LRMDA: variants seen among roughly 807,000 people sequenced by gnomAD.
LRMDA encodes the protein leucine rich melanocyte differentiation associated, also known as leucine-rich melanocyte differentiation-associated protein.
Under a neutral mutation model 29.8 loss-of-function variants are expected in LRMDA, and 18 were observed. The observed-to-expected ratio is 0.60, with a 90% CI of 0.42 to 0.90. LRMDA has a LOEUF of 0.90. LRMDA is among the 40% of genes least tolerant of loss of function. The pLI is 0.00. For missense variants in LRMDA, 273 were observed against 273.9 expected, an observed-to-expected ratio of 1.00 and a Z score of 0.02; for synonymous variants, 125 against 109.4, an observed-to-expected ratio of 1.14 and a Z score of -0.89.
At chr10:75,535,767 A>G (rs1839937536) in intron 2 of LRMDA, among the ~76,000 whole-genome samples, 1 of 152,186 alleles carries the variant, frequency 6.6e-6, no homozygotes, top group Non-Finnish European at 1.5e-5. Context: ...ACTCATCTTT[A>G]CAACTGGAAC....
chr10:76,227,944 C>T (rs1001299538), intron 5 of LRMDA, among the ~76,000 whole-genome samples: 3 of 151,916 alleles, frequency 2.0e-5, no homozygotes, highest in Non-Finnish European at 2.9e-5. Flanking sequence ...TTTGACTCAG[C>T]ATTCCAGGCT....
intron 5 of LRMDA, among the ~76,000 whole-genome samples, chr10:76,180,282 T>C (rs1041874976): frequency 7.3e-6 from 1 of 137,180 alleles, no homozygotes; most frequent in African/African-American, 2.7e-5. Context: ...AAAAACTTTT[T>C]TTTTTTTTTT....
At position 76,128,819 on chromosome 10, in the gene LRMDA, A is replaced by T. The variant is rs896634248; in HGVS notation, c.516+70036A>T. Among the ~76,000 whole-genome samples the T allele has an allele frequency of 5.3e-5, 8 of 152,286 alleles. 1 individual carries two copies. The highest frequency in any genetic ancestry group is 5.2e-4 in the Admixed American group (8 of 15,298). On this transcript the variant is annotated intron_variant, in intron 5 of 6. Transcript: ENST00000611255. ...AGCTCATCAGGGAGGCAATCATTAAAGACGTGAAAGCGTTGAGCAGGATGT... is the reference window on the plus strand; with the variant it reads ...AGCTCATCAGGGAGGCAATCATTAATGACGTGAAAGCGTTGAGCAGGATGT...
At chr10:76,052,333 T>C (rs1438976061) in intron 4 of LRMDA, among the ~76,000 whole-genome samples, 1 of 152,204 alleles carries the variant, frequency 6.6e-6, no homozygotes, top group Non-Finnish European at 1.5e-5. Context: ...GAATAGAGTG[T>C]CAGAGAAAAA....
At chr10:75,812,291 T>C (rs1032198518) in intron 2 of LRMDA, among the ~76,000 whole-genome samples, 2 of 152,056 alleles carry the variant, frequency 1.3e-5, no homozygotes, top group African/African-American at 4.8e-5. Flanking sequence ...GCTGCAGTTA[T>C]AAACTCTTCG....
intron 2 of LRMDA, among the ~76,000 whole-genome samples, chr10:75,573,313 C>T (rs1840460369): frequency 6.6e-6 from 1 of 151,984 alleles, no homozygotes; most frequent in African/African-American, 2.4e-5. Context: ...TCTAAGAATT[C>T]ATGTATTTAT....
intron 2 of LRMDA, among the ~76,000 whole-genome samples, chr10:75,793,091 A>G (rs1843596132): frequency 6.6e-6 from 1 of 152,208 alleles, no homozygotes; most frequent in Non-Finnish European, 1.5e-5. Context: ...AAACCACAGG[A>G]GCAAAGGGAT....
intron 2 of LRMDA, among the ~76,000 whole-genome samples, chr10:75,985,183 G>C (rs1172280750): frequency 6.6e-6 from 1 of 152,182 alleles, no homozygotes; most frequent in African/African-American, 2.4e-5. Flanking sequence ...GGGAAAGGAA[G>C]TGAGTAGGAA....
At chr10:75,590,156 C>T (rs1414889852) in intron 2 of LRMDA, among the ~76,000 whole-genome samples, 6 of 151,682 alleles carry the variant, frequency 4.0e-5, no homozygotes, top group East Asian at 1.9e-4. Context: ...GTAGCTGGGA[C>T]GACAGGCATG....
chr10:76,310,835 G>C (rs1840620896), intron 5 of LRMDA, among the ~76,000 whole-genome samples: 1 of 152,124 alleles, frequency 6.6e-6, no homozygotes, highest in Non-Finnish European at 1.5e-5. Flanking sequence ...CACTCTTATT[G>C]AAAGCAAAAG....
At chr10:76,495,756 T>C (rs1842875695) in intron 6 of LRMDA, among the ~76,000 whole-genome samples, 1 of 151,936 alleles carries the variant, frequency 6.6e-6, no homozygotes, top group Admixed American at 6.6e-5. Flanking sequence ...AAGTATTTCA[T>C]GTATTTGGGT....
chr10:76,298,702 C>T (rs1840442802), intron 5 of LRMDA, among the ~76,000 whole-genome samples: 1 of 152,202 alleles, frequency 6.6e-6, no homozygotes, highest in South Asian at 2.1e-4. Flanking sequence ...AAAGGAACAA[C>T]ATGGGCTGTG....
intron 2 of LRMDA, among the ~76,000 whole-genome samples, chr10:75,533,568 AT>A (rs562382344): frequency 8.2e-4 from 125 of 152,360 alleles, no homozygotes; most frequent in South Asian, 1.7e-3. Context: ...AAGTAGGTAA[AT>A]AATAAATTAT....
intron 2 of LRMDA, among the ~76,000 whole-genome samples, chr10:75,769,122 C>G (rs1360460673): frequency 6.6e-6 from 1 of 152,192 alleles, no homozygotes; most frequent in Admixed American, 6.5e-5. Flanking sequence ...TTTGCTTCAG[C>G]CTTCATGCTG....
At chr10:75,868,466 CATT>C (rs1845055837) in intron 2 of LRMDA, among the ~76,000 whole-genome samples, 1 of 152,132 alleles carries the variant, frequency 6.6e-6, no homozygotes, top group Admixed American at 6.5e-5. Context: ...TAAACGTTGT[CATT>C]ATATGAATGT....
intron 5 of LRMDA, among the ~76,000 whole-genome samples, chr10:76,225,723 A>ATTTATTATT (rs1172469823): frequency 2.7e-4 from 19 of 71,408 alleles, no homozygotes; most frequent in Admixed American, 1.9e-3. Flanking sequence ...TTTATTTATT[A>ATTTATTATT]TTATATATAT....
intron 3 of LRMDA, among the ~76,000 whole-genome samples, chr10:76,038,690 C>T (rs918932672): frequency 2.0e-4 from 30 of 152,162 alleles, no homozygotes; most frequent in African/African-American, 5.8e-4. Context: ...AATGACTCTC[C>T]TACCTAACTG....
At chr10:75,500,497 A>G (rs949415403) in intron 2 of LRMDA, among the ~76,000 whole-genome samples, 24 of 152,376 alleles carry the variant, frequency 1.6e-4, no homozygotes, top group African/African-American at 5.8e-4. Context: ...TTCAGTTTCT[A>G]CAACAGGTAT....
intron 2 of LRMDA, among the ~76,000 whole-genome samples, chr10:75,677,816 C>G (rs555477028): frequency 6.6e-6 from 1 of 152,262 alleles, no homozygotes; most frequent in East Asian, 1.9e-4. Flanking sequence ...AATTGGACCA[C>G]CCATCCCTAT....
Sources: allele counts gnomAD v4.1 joint callset (sites outside exome capture counted in the v4.1 genomes callset), GRCh38; gene constraint gnomAD v4.1.1; transcripts MANE v1.5; gene names NCBI Gene and HGNC (gene_info 2026-07-23, HGNC 2026-07-21).